PHLDB2: variants seen among roughly 807,000 people sequenced by gnomAD.
PHLDB2 encodes pleckstrin homology-like domain family B member 2.
Under a neutral mutation model 123.6 loss-of-function variants are expected in PHLDB2, and 71 were observed. That is an observed-to-expected ratio of 0.57 (90% CI 0.47 to 0.70). The LOEUF is 0.70. Ranked by LOEUF, PHLDB2 falls within the 30% of genes least tolerant of loss-of-function variation. The probability of loss-of-function intolerance (pLI) is 0.00; values close to 1 mark genes in which losing one functional copy is unlikely to be tolerated. For missense variants in PHLDB2, 1,446 were observed against 1,519.5 expected, an observed-to-expected ratio of 0.95 and a Z score of 0.80; for synonymous variants, 547 against 541.6, an observed-to-expected ratio of 1.01 and a Z score of -0.14.
rs1441941758 is a variant in PHLDB2, at chr3:111,976,152, AG to A, written c.*1591del. On this transcript the variant is annotated 3_prime_UTR_variant, in exon 18 of 18. Transcript: ENST00000431670. ...CTTTTCTGCACTGTACTCTCTTCAT[AG>A]GATTGTAAAGGTGTTCTAATCCAAT... 1.3e-5 allele frequency: 2 copies of A among 152,592 alleles called. No homozygotes were observed. The highest frequency in any genetic ancestry group is 4.8e-5 in the African/African-American group (2 of 41,466). 9.5% of individuals were successfully genotyped at this position (152,592 alleles called of 1,614,324 possible). A position where few individuals can be genotyped will look rare whatever the true frequency, so the allele number is the denominator to read the frequency against.
chr3:111,944,618 G>A (rs1346465613), intron 8 of PHLDB2, among the ~76,000 whole-genome samples: 2 of 151,798 alleles, frequency 1.3e-5, no homozygotes, highest in Non-Finnish European at 2.9e-5. Flanking sequence ...CAACAATTAT[G>A]TGTTATTTGG....
At chr3:111,892,088 T>C (rs2066534267) in intron 2 of PHLDB2, among the ~76,000 whole-genome samples, 1 of 152,204 alleles carries the variant, frequency 6.6e-6, no homozygotes, top group East Asian at 1.9e-4. Context: ...TGATACTTAT[T>C]TCTCAAACAT....
At chr3:111,768,783 C>A (rs992312557) in intron 1 of PHLDB2, among the ~76,000 whole-genome samples, 1 of 152,174 alleles carries the variant, frequency 6.6e-6, no homozygotes, top group African/African-American at 2.4e-5. Context: ...GTTTGCTCTG[C>A]CCTGCCAGCT....
chr3:111,957,970 A>G (rs1201806989), intron 12 of PHLDB2: 2 of 152,222 alleles, frequency 1.3e-5, no homozygotes, highest in Non-Finnish European at 1.5e-5. Context: ...GTTGATGAAT[A>G]TGTGTGAAAG....
intron 1 of PHLDB2, among the ~76,000 whole-genome samples, chr3:111,831,017 G>GAAAGAAAGAAAGAAAGAAAGAA (rs2062990028): frequency 9.1e-6 from 1 of 109,768 alleles, no homozygotes; most frequent in Non-Finnish European, 1.8e-5. Context: ...AAGAAAGAAA[G>GAAAGAAAGAAAGAAAGAAAGAA]AAAGAAAGAA....
At chr3:111,919,750 G>A (rs548626638) in intron 4 of PHLDB2, among the ~76,000 whole-genome samples, 1 of 152,218 alleles carries the variant, frequency 6.6e-6, no homozygotes, top group Non-Finnish European at 1.5e-5. Context: ...ATGAGAAGGG[G>A]CACGTAATTC....
At chr3:111,777,588 C>T (rs2060289024) in intron 1 of PHLDB2, among the ~76,000 whole-genome samples, 1 of 152,072 alleles carries the variant, frequency 6.6e-6, no homozygotes, top group Non-Finnish European at 1.5e-5. Context: ...AACAAAACAG[C>T]TCTTTCATTC....
rs566041815 is a variant in PHLDB2, at chr3:111,899,611, T to G, written c.1336-13708T>G. ...AGCATAATTCTTAAGGGCCTTGGTA[T>G]TTTTGGAATGGTCAATGAGCATTGG... On this transcript the variant is annotated intron_variant, in intron 2 of 17. Coordinates refer to ENST00000431670, the MANE Select transcript of PHLDB2 (RefSeq NM_001134438.2). Among the ~76,000 whole-genome samples, 6 of 152,294 alleles carry G rather than the reference T, an allele frequency of 3.9e-5. No individual in the cohort carries two copies. In the South Asian group the frequency reaches 8.3e-4, roughly 21 times the overall value.
intron 1 of PHLDB2, among the ~76,000 whole-genome samples, chr3:111,752,725 G>T (rs1244856323): frequency 6.6e-6 from 1 of 151,444 alleles, no homozygotes; most frequent in Non-Finnish European, 1.5e-5. Flanking sequence ...GTATACATGC[G>T]CCATGCTGGT....
chr3:111,969,029 A>C (rs1577226408), intron 15 of PHLDB2, among the ~76,000 whole-genome samples: 1 of 152,220 alleles, frequency 6.6e-6, no homozygotes, highest in South Asian at 2.1e-4. Context: ...GGGCTTTCAT[A>C]CCAGCCATCA....
At position 111,758,053 on chromosome 3, in the gene PHLDB2, C is replaced by T. The variant is rs998265483; in HGVS notation, c.-49+25350C>T. On this transcript the variant is annotated intron_variant, in intron 1 of 17. Transcript: ENST00000393923. ...AGTTAGGCTGCTCAGGGGTCAGGGGCCAGGGACCCACTTGAGGAGGCAGTC... is the reference window on the plus strand; with the variant it reads ...AGTTAGGCTGCTCAGGGGTCAGGGGTCAGGGACCCACTTGAGGAGGCAGTC... 3.9e-5 allele frequency among the ~76,000 whole-genome samples: 6 copies of T among 152,244 alleles called. No homozygotes were observed. The East Asian group carries it at 5.8e-4, about 15-fold the overall frequency.
At chr3:111,935,521 A>AGATG (rs1209866848) in intron 6 of PHLDB2, among the ~76,000 whole-genome samples, 1 of 151,618 alleles carries the variant, frequency 6.6e-6, no homozygotes, top group African/African-American at 2.4e-5. Flanking sequence ...ATAGATAGAT[A>AGATG]GATAGATAGA....
At chr3:111,769,653 T>C (rs1014142743) in intron 1 of PHLDB2, among the ~76,000 whole-genome samples, 5 of 152,238 alleles carry the variant, frequency 3.3e-5, no homozygotes, top group African/African-American at 7.2e-5. Flanking sequence ...TCCAACATTT[T>C]CCAGGTCTAA....
chr3:111,878,518 CT>C lies in PHLDB2; in HGVS notation c.-14-5542del, dbSNP rs1399712470. On this transcript the variant is annotated intron_variant, in intron 1 of 17. Coordinates refer to ENST00000431670, the MANE Select transcript of PHLDB2 (RefSeq NM_001134438.2). ...TGCAAACAGAGACAATTGACTTCCT[CT>C]TTTCCTAATTGAATACCCTGTATTT... Among the ~76,000 whole-genome samples, 4 of 152,198 alleles carry C rather than the reference CT, an allele frequency of 2.6e-5. No individual in the cohort carries two copies. The South Asian group carries it at 6.2e-4, about 24-fold the overall frequency.
intron 1 of PHLDB2, among the ~76,000 whole-genome samples, chr3:111,827,480 C>G (rs957010584): frequency 6.6e-6 from 1 of 152,106 alleles, no homozygotes; most frequent in Non-Finnish European, 1.5e-5. Context: ...TAGATACCAT[C>G]CTAGCTAACA....
chr3:111,918,133 A>G (rs2068284900), intron 3 of PHLDB2, among the ~76,000 whole-genome samples: 1 of 152,244 alleles, frequency 6.6e-6, no homozygotes, highest in African/African-American at 2.4e-5. Flanking sequence ...TTCTAGAAAG[A>G]AGAAGCTATT....
chr3:111,962,843 C>A (rs905869018), intron 13 of PHLDB2, among the ~76,000 whole-genome samples: 1 of 151,284 alleles, frequency 6.6e-6, no homozygotes, highest in African/African-American at 2.4e-5. Flanking sequence ...GCAGGAGAAT[C>A]CCTTAAACCC....
At chr3:111,807,410 A>C (rs1382126934) in intron 1 of PHLDB2, among the ~76,000 whole-genome samples, 1 of 152,144 alleles carries the variant, frequency 6.6e-6, no homozygotes, top group Non-Finnish European at 1.5e-5. Context: ...TGACTTATTT[A>C]AATCTCAAAA....
At chr3:111,865,114 C>T (rs151108843) in intron 1 of PHLDB2, among the ~76,000 whole-genome samples, 6 of 152,306 alleles carry the variant, frequency 3.9e-5, no homozygotes, top group Non-Finnish European at 7.3e-5. Context: ...GTGAATAGTG[C>T]CGCACAGCCA....
Sources: allele counts gnomAD v4.1 joint callset (sites outside exome capture counted in the v4.1 genomes callset), GRCh38; gene constraint gnomAD v4.1.1; transcripts MANE v1.5; gene names NCBI Gene and HGNC (gene_info 2026-07-23, HGNC 2026-07-21).